The following CAST variants were observed in gnomAD, a reference collection of about 807,000 sequenced individuals.
CAST encodes calpastatin, also known as MIR583 host.
CAST carries 76 observed loss-of-function variants against 119.6 expected under a neutral mutation model. The observed-to-expected ratio is 0.64, with a 90% CI of 0.53 to 0.77. The LOEUF (loss-of-function observed/expected upper bound fraction) is 0.77, where lower values mean the gene tolerates loss of function less well. Among genes scored for constraint, CAST ranks in the 30% least tolerant of loss-of-function variants. CAST has a pLI of 0.00. For synonymous variants in CAST, 319 were observed against 331.6 expected, an observed-to-expected ratio of 0.96 and a Z score of 0.41; for missense variants, 953 against 946.5, an observed-to-expected ratio of 1.01 and a Z score of -0.09.
chr5:96,292,095 T>C, the CAST span, among the ~76,000 whole-genome samples: 1 of 152,080 alleles, frequency 6.6e-6, no homozygotes, highest in Non-Finnish European at 1.5e-5. Context: ...AGGCAAACAC[T>C]GGAAGAAAAA....
the CAST span, among the ~76,000 whole-genome samples, chr5:96,190,186 A>C: frequency 6.6e-6 from 1 of 152,104 alleles, no homozygotes; most frequent in Non-Finnish European, 1.5e-5. Context: ...GGGGCTGGGG[A>C]ACTAGGCCTG....
the CAST span, among the ~76,000 whole-genome samples, chr5:96,365,137 A>C: frequency 6.6e-6 from 1 of 152,124 alleles, no homozygotes; most frequent in Non-Finnish European, 1.5e-5. Context: ...AGCGGTTTTG[A>C]GTGAGTTTCT....
Position 96,746,394 on chromosome 5 carries a change from T to C in CAST, c.1253T>C (p.Ile418Thr). 1 of 1,611,694 alleles carries C rather than the reference T, an allele frequency of 6.2e-7. No homozygotes were observed. The highest frequency in any genetic ancestry group is 8.5e-7 in the Non-Finnish European group (1 of 1,177,784). Residue 418 changes from isoleucine to threonine, a missense_variant, in exon 17 of 32, where the codon ATC becomes ACC. Ile to Thr is a moderately conservative substitution (Grantham distance 89). Transcript: ENST00000675179. ...LEKCGEDDET[I>T]PSEYRLKPAT... ...AAGTGTGGTGAGGATGATGAAACAATCCCATCTGAGTACAGATTAAAACCA... is the reference window on the plus strand; with the variant it reads ...AAGTGTGGTGAGGATGATGAAACAACCCCATCTGAGTACAGATTAAAACCA...
At chr5:96,425,814 A>G in the CAST span, 1 of 1,477,238 alleles carries the variant, frequency 6.8e-7, no homozygotes, top group Non-Finnish European at 9.5e-7. Context: ...TTCTGTAGGT[A>G]CTTACCAAGT....
intron 7 of CAST, 74 bp from the exon 8 acceptor site, chr5:96,729,538 G>A (rs1329372695): frequency 1.2e-5 from 9 of 726,434 alleles, no homozygotes; most frequent in Non-Finnish European, 2.3e-5. Flanking sequence ...AAAAGTATCA[G>A]TATTATGTTT....
In CAST at chr5:96,740,794, A is replaced by C. The variant is rs764374381; in HGVS notation, c.918+11A>C. 6.5e-7 allele frequency: 1 copy of C among 1,545,046 alleles called. No homozygotes were observed. The highest frequency in any genetic ancestry group is 2.2e-5 in the East Asian group (1 of 44,634). ...CCTGCAGACTCTTCGGTGAGTTTAC[A>C]TACATGTCTTCTGATCTAAATTAAT... On this transcript the variant is annotated intron_variant, in intron 13 of 31. Coordinates refer to ENST00000675179, the MANE Select transcript of CAST (RefSeq NM_001750.7).
At chr5:96,115,305 C>T in the CAST span, among the ~76,000 whole-genome samples, 1 of 152,152 alleles carries the variant, frequency 6.6e-6, no homozygotes, top group African/African-American at 2.4e-5. Context: ...GTGAGCTCAT[C>T]AAAACAAACA....
chr5:96,476,239 C>G, the CAST span, among the ~76,000 whole-genome samples: 2 of 152,132 alleles, frequency 1.3e-5, no homozygotes, highest in African/African-American at 2.4e-5. Context: ...AGAAAGTAAA[C>G]TTAATATACA....
At chr5:96,282,766 A>G in the CAST span, among the ~76,000 whole-genome samples, 1 of 152,210 alleles carries the variant, frequency 6.6e-6, no homozygotes, top group African/African-American at 2.4e-5. Flanking sequence ...CTAAAAAAAT[A>G]TGCTGATTTT....
the CAST span, among the ~76,000 whole-genome samples, chr5:96,359,863 A>T: frequency 3.9e-5 from 6 of 151,914 alleles, no homozygotes; most frequent in Non-Finnish European, 7.4e-5. Flanking sequence ...GTATTTTCTG[A>T]GTTTGACTAT....
chr5:96,264,803 A>G, the CAST span, among the ~76,000 whole-genome samples: 3 of 152,202 alleles, frequency 2.0e-5, no homozygotes, highest in African/African-American at 7.2e-5. Flanking sequence ...ATGCTTTTAT[A>G]TCTGGCTTCT....
At chr5:96,346,962 A>C in the CAST span, among the ~76,000 whole-genome samples, 17 of 152,144 alleles carry the variant, frequency 1.1e-4, no homozygotes, top group Admixed American at 1.1e-3. Flanking sequence ...TCTCTTTTCA[A>C]GGTAGAAAAG....
chr5:96,354,213 A>T, the CAST span, among the ~76,000 whole-genome samples: 1 of 152,158 alleles, frequency 6.6e-6, no homozygotes, highest in Non-Finnish European at 1.5e-5. Context: ...TCCCAATCTT[A>T]TCCTCCTAGT....
At chr5:96,094,237 T>C in the CAST span, among the ~76,000 whole-genome samples, 532 of 152,334 alleles carry the variant, frequency 3.5e-3, 2 homozygotes, top group African/African-American at 4.5e-3. Flanking sequence ...TGACTAATAA[T>C]GTAGTCATGT....
At chr5:96,203,768 C>T in the CAST span, among the ~76,000 whole-genome samples, 3 of 152,080 alleles carry the variant, frequency 2.0e-5, no homozygotes, top group Admixed American at 6.6e-5. Context: ...AGATTAAGAA[C>T]CTCTGTGAAT....
the CAST span, among the ~76,000 whole-genome samples, chr5:96,132,873 C>A: frequency 6.6e-6 from 1 of 152,112 alleles, no homozygotes; most frequent in South Asian, 2.1e-4. Context: ...ATCCACTGGA[C>A]TTTATAGTAA....
chr5:96,472,954 C>A, the CAST span, among the ~76,000 whole-genome samples: 1 of 152,142 alleles, frequency 6.6e-6, no homozygotes, highest in Non-Finnish European at 1.5e-5. Context: ...TACATAGCAG[C>A]CCGAAGCATT....
chr5:96,068,448 T>C, the CAST span, among the ~76,000 whole-genome samples: 1 of 152,078 alleles, frequency 6.6e-6, no homozygotes, highest in Non-Finnish European at 1.5e-5. Flanking sequence ...CTCACATTTT[T>C]CAACTTCTCC....
intron 1 of CAST, 109 bp downstream of exon 1, chr5:96,662,606 G>A: frequency 7.9e-7 from 1 of 1,265,540 alleles, no homozygotes; most frequent in Non-Finnish European, 1.0e-6. Flanking sequence ...TGCAGTCCCC[G>A]GCGCCCCCGC....
Sources: allele counts gnomAD v4.1 joint callset (sites outside exome capture counted in the v4.1 genomes callset), GRCh38; gene constraint gnomAD v4.1.1; transcripts MANE v1.5; gene names NCBI Gene and HGNC (gene_info 2026-07-23, HGNC 2026-07-21).